Variants in KCNK13 observed in about 807,000 individuals in gnomAD.
KCNK13 encodes potassium two pore domain channel subfamily K member 13.
In KCNK13, 12 loss-of-function variants were observed where a neutral mutation model predicts 23.4. That is an observed-to-expected ratio of 0.51 (90% CI 0.33 to 0.83). KCNK13 has a LOEUF of 0.83. Ranked by LOEUF, KCNK13 falls within the 40% of genes least tolerant of loss-of-function variation. The pLI is 0.02. For missense variants in KCNK13, 463 were observed against 556.3 expected, an observed-to-expected ratio of 0.83 and a Z score of 1.69; for synonymous variants, 231 against 229.5, an observed-to-expected ratio of 1.01 and a Z score of -0.06.
chr14:90,157,156 A>G (rs531848787), intron 1 of KCNK13, among the ~76,000 whole-genome samples: 65 of 152,350 alleles, frequency 4.3e-4, no homozygotes, highest in African/African-American at 1.5e-3. Flanking sequence ...ACCATCAAAG[A>G]TAGTTTTAAA....
intron 1 of KCNK13, among the ~76,000 whole-genome samples, chr14:90,068,291 C>T (rs773093721): frequency 6.6e-6 from 1 of 151,954 alleles, no homozygotes; most frequent in Non-Finnish European, 1.5e-5. Flanking sequence ...ATGTTTCTTC[C>T]AGGCTAAAAA....
chr14:90,088,918 A>G (rs1889312497), intron 1 of KCNK13, among the ~76,000 whole-genome samples: 1 of 152,188 alleles, frequency 6.6e-6, no homozygotes, highest in South Asian at 2.1e-4. Context: ...CCATCCATGT[A>G]AGACTTGACT....
intron 1 of KCNK13, among the ~76,000 whole-genome samples, chr14:90,086,861 A>G (rs1015404453): frequency 4.6e-5 from 7 of 152,120 alleles, no homozygotes; most frequent in African/African-American, 1.7e-4. Context: ...AAATAATTCC[A>G]TCTTTATATT....
chr14:90,141,878 G>T (rs977142453), intron 1 of KCNK13, among the ~76,000 whole-genome samples: 3 of 151,232 alleles, frequency 2.0e-5, no homozygotes, highest in African/African-American at 7.3e-5. Context: ...CGCCTCCTGG[G>T]TTCACACCAT....
At chr14:90,069,427 C>T (rs1889048546) in intron 1 of KCNK13, among the ~76,000 whole-genome samples, 1 of 152,124 alleles carries the variant, frequency 6.6e-6, no homozygotes, top group Non-Finnish European at 1.5e-5. Flanking sequence ...CTGTACTCTA[C>T]AAGACCCCCA....
In KCNK13 at chr14:90,077,765, A is replaced by G. The variant is rs1889157824; in HGVS notation, c.334+15226A>G. Among the ~76,000 whole-genome samples the G allele has an allele frequency of 2.0e-5, 3 of 152,152 alleles. No individual in the cohort carries two copies. In the South Asian group the frequency reaches 6.2e-4, roughly 32 times the overall value. On this transcript the variant is annotated intron_variant, in intron 1 of 1. Transcript: ENST00000282146. ...TTATCATGTGATAGTTATTGATAGT[A>G]TCTTATTGTGATCTCTCTCTTCTCT...
chr14:90,167,772 C>A (rs906970079), intron 1 of KCNK13, among the ~76,000 whole-genome samples: 1 of 152,192 alleles, frequency 6.6e-6, no homozygotes, highest in Non-Finnish European at 1.5e-5. Flanking sequence ...CTGCTACCCC[C>A]ACCCCCTGCC....
intron 1 of KCNK13, among the ~76,000 whole-genome samples, chr14:90,095,410 A>G (rs1889399099): frequency 6.6e-6 from 1 of 152,208 alleles, no homozygotes; most frequent in African/African-American, 2.4e-5. Context: ...AACAAACACC[A>G]AAACTTCCTA....
chr14:90,138,489 G>C (rs1308069667), intron 1 of KCNK13, among the ~76,000 whole-genome samples: 1 of 152,206 alleles, frequency 6.6e-6, no homozygotes, highest in Non-Finnish European at 1.5e-5. Context: ...CACACAGTTA[G>C]GACTCAGTAA....
intron 1 of KCNK13, among the ~76,000 whole-genome samples, chr14:90,159,311 A>G (rs1207226697): frequency 6.6e-6 from 1 of 152,166 alleles, no homozygotes; most frequent in Non-Finnish European, 1.5e-5. Flanking sequence ...TATGCAAACC[A>G]TGACAATAGC....
At chr14:90,112,946 C>T (rs1325551886) in intron 1 of KCNK13, among the ~76,000 whole-genome samples, 3 of 145,828 alleles carry the variant, frequency 2.1e-5, no homozygotes, top group Non-Finnish European at 4.5e-5. Context: ...CAGGGTCTTG[C>T]TCTGTCGCCC....
chr14:90,064,563 C>G (rs1188654576), intron 1 of KCNK13, among the ~76,000 whole-genome samples: 1 of 152,152 alleles, frequency 6.6e-6, no homozygotes, highest in African/African-American at 2.4e-5. Context: ...CTTAACTATT[C>G]CGAGCCCCAT....
chr14:90,139,339 C>G (rs1033811082), intron 1 of KCNK13, among the ~76,000 whole-genome samples: 2 of 151,970 alleles, frequency 1.3e-5, no homozygotes, highest in African/African-American at 4.8e-5. Context: ...AATGAGGAAT[C>G]GGGGAAGAGC....
intron 1 of KCNK13, among the ~76,000 whole-genome samples, chr14:90,111,458 G>A (rs1298601536): frequency 6.6e-6 from 1 of 152,134 alleles, no homozygotes; most frequent in Non-Finnish European, 1.5e-5. Context: ...AGAATGAGGG[G>A]AATTGTTAGT....
At chr14:90,138,808 G>T (rs1889968089) in intron 1 of KCNK13, among the ~76,000 whole-genome samples, 1 of 152,168 alleles carries the variant, frequency 6.6e-6, no homozygotes, top group Non-Finnish European at 1.5e-5. Context: ...TTTCCAATTT[G>T]CACAGATTGG....
At chr14:90,127,346 G>A (rs4900021) in intron 1 of KCNK13, among the ~76,000 whole-genome samples, 40,684 of 151,910 alleles carry the variant, frequency 0.27, 5,855 homozygotes, top group East Asian at 0.37. Context: ...TTTTCTGCAG[G>A]GAATGAAACC....
intron 1 of KCNK13, among the ~76,000 whole-genome samples, chr14:90,068,095 C>T (rs1021452687): frequency 6.6e-6 from 1 of 152,050 alleles, no homozygotes; most frequent in African/African-American, 2.4e-5. Flanking sequence ...CAGGATTGCT[C>T]TAGAAGGGGA....
chr14:90,108,063 C>T (rs1889568177), intron 1 of KCNK13: 2 of 564,632 alleles, frequency 3.5e-6, no homozygotes, highest in Non-Finnish European at 6.7e-6. Context: ...GATGACAGCA[C>T]TTCCTGGTGG....
chr14:90,122,806 G>GT (rs1245422097), intron 1 of KCNK13, among the ~76,000 whole-genome samples: 2 of 152,122 alleles, frequency 1.3e-5, no homozygotes, highest in East Asian at 3.9e-4. Flanking sequence ...GGTTTGCATG[G>GT]TTTGCTCTGT....
Sources: allele counts gnomAD v4.1 joint callset (sites outside exome capture counted in the v4.1 genomes callset), GRCh38; gene constraint gnomAD v4.1.1; transcripts MANE v1.5; gene names NCBI Gene and HGNC (gene_info 2026-07-23, HGNC 2026-07-21).